Variants in ALX4 observed in about 807,000 individuals in gnomAD.
ALX4 encodes ALX homeobox 4.
A neutral mutation model predicts 40.6 loss-of-function variants in ALX4; 22 were observed. The observed-to-expected ratio is 0.54, with a 90% CI of 0.39 to 0.77. ALX4 has a LOEUF of 0.77. ALX4 is among the 30% of genes least tolerant of loss of function. The pLI, the probability that ALX4 is intolerant of heterozygous loss-of-function variation, is 0.00. For synonymous variants in ALX4, 266 were observed against 240.5 expected, an observed-to-expected ratio of 1.11 and a Z score of -0.98; for missense variants, 556 against 564.8, an observed-to-expected ratio of 0.98 and a Z score of 0.16.
At chr11:44,278,452 G>A (rs1345239328) in intron 1 of ALX4, among the ~76,000 whole-genome samples, 4 of 152,202 alleles carry the variant, frequency 2.6e-5, no homozygotes, top group African/African-American at 9.6e-5. Context: ...CCATCTTGTG[G>A]GGGGCAGGAC....
chr11:44,309,090 C>T (rs1365383158), intron 1 of ALX4, among the ~76,000 whole-genome samples: 1 of 152,186 alleles, frequency 6.6e-6, no homozygotes, highest in East Asian at 1.9e-4. Context: ...GCGCTCTCAC[C>T]TGCGGCGGCG....
At chr11:44,277,375 C>T (rs762843985) in intron 1 of ALX4, among the ~76,000 whole-genome samples, 8 of 152,096 alleles carry the variant, frequency 5.3e-5, no homozygotes, top group African/African-American at 9.7e-5. Flanking sequence ...GTGAACTCCT[C>T]GAGAACTGTA....
intron 1 of ALX4, among the ~76,000 whole-genome samples, chr11:44,280,893 AC>A (rs1216097256): frequency 7.9e-5 from 12 of 151,676 alleles, no homozygotes; most frequent in Non-Finnish European, 2.9e-5. Context: ...CCCTGGGGGG[AC>A]CCCCGTACCA....
intron 1 of ALX4, among the ~76,000 whole-genome samples, chr11:44,306,992 T>C (rs1333555638): frequency 6.6e-6 from 1 of 152,174 alleles, no homozygotes; most frequent in Non-Finnish European, 1.5e-5. Flanking sequence ...CCCCGAGCAG[T>C]GCCTCCATCT....
At chr11:44,289,550 C>T (rs1282692324) in intron 1 of ALX4, among the ~76,000 whole-genome samples, 1 of 152,190 alleles carries the variant, frequency 6.6e-6, no homozygotes, top group Non-Finnish European at 1.5e-5. Flanking sequence ...ATGCCAAGTC[C>T]ACTGCCTTTC....
chr11:44,299,304 T>C (rs1348267602), intron 1 of ALX4, among the ~76,000 whole-genome samples: 1 of 151,894 alleles, frequency 6.6e-6, no homozygotes. Flanking sequence ...ACACTACTTG[T>C]CTTCTGCATC....
chr11:44,307,888 G>A (rs1026502453), intron 1 of ALX4, among the ~76,000 whole-genome samples: 2 of 152,098 alleles, frequency 1.3e-5, no homozygotes, highest in Non-Finnish European at 2.9e-5. Context: ...GGAGCTGTGG[G>A]TGTCCGTGTG....
intron 2 of ALX4, among the ~76,000 whole-genome samples, chr11:44,273,353 T>C (rs901360789): frequency 1.3e-5 from 2 of 152,226 alleles, no homozygotes; most frequent in African/African-American, 4.8e-5. Context: ...TTGTGTTAAA[T>C]TGAAACTTAA....
intron 1 of ALX4, among the ~76,000 whole-genome samples, chr11:44,300,656 C>T (rs1320284588): frequency 6.6e-6 from 1 of 152,200 alleles, no homozygotes; most frequent in Admixed American, 6.5e-5. Flanking sequence ...ACATCCTCCT[C>T]ATACTCCCCT....
At chr11:44,291,015 G>A (rs1247720707) in intron 1 of ALX4, among the ~76,000 whole-genome samples, 7 of 152,126 alleles carry the variant, frequency 4.6e-5, no homozygotes, top group Non-Finnish European at 5.9e-5. Flanking sequence ...ACCCCCACCT[G>A]CTTCCTTCCC....
intron 1 of ALX4, among the ~76,000 whole-genome samples, chr11:44,298,769 C>T (rs1300345869): frequency 7.0e-6 from 1 of 142,694 alleles, no homozygotes; most frequent in Non-Finnish European, 1.5e-5. Flanking sequence ...AGCCTCGCTG[C>T]TCCTACACCC....
At chr11:44,291,966 T>TC (rs1956372257) in intron 1 of ALX4, among the ~76,000 whole-genome samples, 1 of 152,052 alleles carries the variant, frequency 6.6e-6, no homozygotes, top group Non-Finnish European at 1.5e-5. Context: ...TTACCAGCAC[T>TC]GGTCACTGCA....
chr11:44,310,139 T>TGGGGAGGC, upstream of ALX4: 1 of 1,499,478 alleles, frequency 6.7e-7, no homozygotes, highest in Non-Finnish European at 8.9e-7. Context: ...GCTGGGAGTT[T>TGGGGAGGC]GGGGAGGCGA....
At chr11:44,297,000 ACT>A (rs1956406176) in intron 1 of ALX4, among the ~76,000 whole-genome samples, 1 of 120,002 alleles carries the variant, frequency 8.3e-6, no homozygotes, top group Non-Finnish European at 1.7e-5. Context: ...CAAGAGTGAA[ACT>A]CTGTCTCAAA....
At chr11:44,277,336 C>G (rs902814255) in intron 1 of ALX4, among the ~76,000 whole-genome samples, 1 of 152,206 alleles carries the variant, frequency 6.6e-6, no homozygotes, top group Non-Finnish European at 1.5e-5. Flanking sequence ...TAGGGAAGGG[C>G]AGCCAACTGG....
rs1956416690 is a variant in ALX4, at chr11:44,298,531, G to A, written c.466+11066C>T. Among the ~76,000 whole-genome samples, 3 of 152,316 alleles carry A rather than the reference G, an allele frequency of 2.0e-5. No homozygotes were observed. In the South Asian group the frequency reaches 6.2e-4, roughly 32 times the overall value. The stretch of plus-strand genomic sequence containing the variant: ...GTGGCAGGAATGGGGGTGCCAGCGG[G>A]CAGGACACGGAACTCACTGTAGGGA... On this transcript the variant is annotated intron_variant, in intron 1 of 3. Coordinates refer to ENST00000652299, the MANE Select transcript of ALX4 (RefSeq NM_021926.4).
Position 44,260,620 on chromosome 11 carries a change from T to A in ALX4, c.*4234A>T, listed in dbSNP as rs1335925792. ...TCTCCCAAAAAAGATGTAAGTGCAA[T>A]AACTTACTTTAAAAGGCAAGAACGT... On this transcript the variant is annotated 3_prime_UTR_variant, in exon 4 of 4. Coordinates refer to ENST00000652299, the MANE Select transcript of ALX4 (RefSeq NM_021926.4). 1 of 152,212 alleles carries A rather than the reference T, an allele frequency of 6.6e-6. No homozygotes were observed. The highest frequency in any genetic ancestry group is 1.5e-5 in the Non-Finnish European group (1 of 68,046). 9.4% of individuals were successfully genotyped at this position (152,212 alleles called of 1,614,324 possible). A position where few individuals can be genotyped will look rare whatever the true frequency, so the allele number is the denominator to read the frequency against.
intron 1 of ALX4, among the ~76,000 whole-genome samples, chr11:44,308,984 C>G (rs1450820557): frequency 6.6e-6 from 1 of 152,270 alleles, no homozygotes; most frequent in Non-Finnish European, 1.5e-5. Flanking sequence ...ACCCTAGGGT[C>G]TCTGGCTCCG....
intron 1 of ALX4, among the ~76,000 whole-genome samples, chr11:44,306,281 G>T (rs77599231): frequency 0.025 from 3,794 of 152,336 alleles, 161 homozygotes; most frequent in African/African-American, 0.087. Flanking sequence ...GGGTAGGGAC[G>T]CTTGCAGCCC....
Sources: allele counts gnomAD v4.1 joint callset (sites outside exome capture counted in the v4.1 genomes callset), GRCh38; gene constraint gnomAD v4.1.1; transcripts MANE v1.5; gene names NCBI Gene and HGNC (gene_info 2026-07-23, HGNC 2026-07-21).